The following CPEB4 variants were observed in gnomAD, a reference collection of about 807,000 sequenced individuals.
The protein encoded by CPEB4 is cytoplasmic polyadenylation element-binding protein 4.
A neutral mutation model predicts 72.5 loss-of-function variants in CPEB4; 12 were observed. The ratio of observed to expected loss-of-function variants is 0.17; its 90% CI spans 0.11 to 0.27. The LOEUF is 0.27. Ranked by LOEUF, CPEB4 falls within the 10% of genes least tolerant of loss-of-function variation. The probability of loss-of-function intolerance (pLI) is 1.00; values close to 1 mark genes in which losing one functional copy is unlikely to be tolerated. For missense variants in CPEB4, 614 were observed against 908.5 expected (o/e 0.68, Z 4.17); for synonymous variants, 302 against 326.3 (o/e 0.93, Z 0.80).
chr5:173,942,265 G>A (rs966336513), intron 3 of CPEB4, among the ~76,000 whole-genome samples: 2 of 152,234 alleles, frequency 1.3e-5, no homozygotes, highest in African/African-American at 4.8e-5. Flanking sequence ...AATGTTCGTT[G>A]GATAGAATTG....
chr5:173,905,215 T>G (rs1756390725), intron 1 of CPEB4, among the ~76,000 whole-genome samples: 1 of 151,998 alleles, frequency 6.6e-6, no homozygotes, highest in Admixed American at 6.6e-5. Flanking sequence ...TATAAGAGAT[T>G]CTTTAATAAT....
At position 173,955,682 on chromosome 5, in the gene CPEB4, T is replaced by TTTAAA. The variant is rs1401462585; in HGVS notation, c.1963-227_1963-223dup. On this transcript the variant is annotated intron_variant, in intron 9 of 9. Transcript: ENST00000265085. The surrounding 1 kb of genome is among the most constrained non-coding windows in gnomAD (Gnocchi z 4.7). ...TGATGTCTGCTCAAATCCTTTTTCC[T>TTTAAA]TTAAAGGATGTTTATTTAATAAGAA... 2.4e-4 allele frequency among the ~76,000 whole-genome samples: 36 copies of TTTAAA among 152,320 alleles called. No homozygotes were observed. Among genetic ancestry groups the TTTAAA allele is most frequent in the African/African-American group, 8.2e-4 (34 of 41,564 alleles).
Position 173,959,234 on chromosome 5 carries a change from A to G in CPEB4, c.*3097A>G, listed in dbSNP as rs190796165. The G allele has an allele frequency of 2.6e-5, 4 of 152,918 alleles. No homozygotes were observed. The East Asian group carries it at 7.5e-4, about 29-fold the overall frequency. The allele number at this position is 152,918 out of a possible 1,614,324, so 9.5% of individuals were successfully genotyped here. A position where few individuals can be genotyped will look rare whatever the true frequency, so the allele number is the denominator to read the frequency against. Reference sequence around the variant, plus strand: ...TGTACTTACAATGTAGTTACAGAGTAATTACATGGTGATTTTTGCAATGTA... The same window carrying G: ...TGTACTTACAATGTAGTTACAGAGTGATTACATGGTGATTTTTGCAATGTA... On this transcript the variant is annotated 3_prime_UTR_variant, in exon 10 of 10. Transcript: ENST00000265085.
chr5:173,933,092 A>G (rs990183315), intron 3 of CPEB4, among the ~76,000 whole-genome samples: 7 of 152,154 alleles, frequency 4.6e-5, no homozygotes, highest in African/African-American at 1.7e-4. Flanking sequence ...CACTCACAAG[A>G]ATTTTAGTGT....
rs982867043 is a variant in CPEB4, at chr5:173,957,878, G to A, written c.*1741G>A. On this transcript the variant is annotated 3_prime_UTR_variant, in exon 10 of 10. Coordinates refer to ENST00000265085, the MANE Select transcript of CPEB4 (RefSeq NM_030627.4). ...TGAACTATACCTGTTAAGTTCCAAAGGTCAAAATGGAGGCATTTGCTGTCT... is the reference window on the plus strand; with the variant it reads ...TGAACTATACCTGTTAAGTTCCAAAAGTCAAAATGGAGGCATTTGCTGTCT... 1 of 152,716 alleles carries A rather than the reference G, an allele frequency of 6.5e-6. No homozygotes were observed. The highest frequency in any genetic ancestry group is 6.5e-5 in the Admixed American group (1 of 15,270). The allele number at this position is 152,716 out of a possible 1,614,324, so 9.5% of individuals were successfully genotyped here.
At chr5:173,905,933 G>T (rs2113160014) in intron 1 of CPEB4, among the ~76,000 whole-genome samples, 1 of 152,272 alleles carries the variant, frequency 6.6e-6, no homozygotes, top group East Asian at 1.9e-4. Flanking sequence ...GGACGAAAGT[G>T]CCCAAGCTCA....
At chr5:173,945,902 A>G (rs116555558) in intron 5 of CPEB4, among the ~76,000 whole-genome samples, 6 of 152,368 alleles carry the variant, frequency 3.9e-5, no homozygotes, top group South Asian at 2.1e-4. Flanking sequence ...AGTGACCCCA[A>G]TAAAAATCAA....
Position 173,956,283 on chromosome 5 carries a change from A to AATATAGGT in CPEB4, c.*147_*154dup, listed in dbSNP as rs1450932927. 12 of 609,326 alleles carry AATATAGGT rather than the reference A, an allele frequency of 2.0e-5. No homozygotes were observed. In the East Asian group the frequency reaches 3.3e-4, roughly 17 times the overall value. The allele number at this position is 609,326 out of a possible 1,614,324, so 37.7% of individuals were successfully genotyped here. On this transcript the variant is annotated 3_prime_UTR_variant, in exon 10 of 10. Coordinates refer to ENST00000265085, the MANE Select transcript of CPEB4 (RefSeq NM_030627.4). ...TAGTATAATGAAAAGAATGACCTATAATATAGGTGTTTTGTAGATTCTTGT... is the reference window on the plus strand; with the variant it reads ...TAGTATAATGAAAAGAATGACCTATAATATAGGTATATAGGTGTTTTGTAGATTCTTGT...
At chr5:173,916,328 C>T (rs1756867766) in intron 2 of CPEB4, among the ~76,000 whole-genome samples, 1 of 152,190 alleles carries the variant, frequency 6.6e-6, no homozygotes, top group Admixed American at 6.5e-5. Flanking sequence ...GAGTTTCAGG[C>T]ATTTCAAGTA....
intron 1 of CPEB4, among the ~76,000 whole-genome samples, chr5:173,909,811 C>T (rs1178091611): frequency 6.6e-6 from 1 of 151,838 alleles, no homozygotes; most frequent in Non-Finnish European, 1.5e-5. Flanking sequence ...CCAGCCTGGC[C>T]AACATGGTGA....
intron 1 of CPEB4, among the ~76,000 whole-genome samples, chr5:173,893,348 G>A (rs1755884809): frequency 6.6e-6 from 1 of 152,020 alleles, no homozygotes; most frequent in Non-Finnish European, 1.5e-5. Flanking sequence ...ATAACTTGCA[G>A]GCACGTGCCT....
intron 4 of CPEB4, among the ~76,000 whole-genome samples, chr5:173,944,201 A>C (rs1319148892): frequency 1.3e-5 from 2 of 152,208 alleles, no homozygotes; most frequent in Non-Finnish European, 2.9e-5. Context: ...TAGCATGCCT[A>C]ATAATCTTAA....
At position 173,890,618 on chromosome 5, in the gene CPEB4, C is replaced by A; in HGVS notation, c.885C>A (p.Pro295=). The part of the protein sequence containing the change: ...WSSYQSPSPT[P]SSSWSPGGGG... ...GCTACCAGAGTCCGTCACCAACACC[C>A]TCCTCTTCCTGGAGCCCGGGCGGTG... is the stretch of plus-strand genomic sequence containing the variant. Residue 295 remains proline (P), a synonymous_variant, in exon 1 of 10, where the codon CCC becomes CCA. Transcript: ENST00000265085. 4 of 1,614,010 alleles carry A rather than the reference C, an allele frequency of 2.5e-6. No homozygotes were observed. Among genetic ancestry groups the A allele is most frequent in the Non-Finnish European group, 3.4e-6 (4 of 1,179,900 alleles).
Position 173,892,822 on chromosome 5 carries a change from ATAGT to A in CPEB4, c.1125+1968_1125+1971del, listed in dbSNP as rs368973970. On this transcript the variant is annotated intron_variant, in intron 1 of 9. Transcript: ENST00000265085. The stretch of plus-strand genomic sequence containing the variant: ...GGAGATTAAGTTGATTTATGAAATA[ATAGT>A]TAGACTAAGATTGATACTAAAATAT... Among the ~76,000 whole-genome samples the A allele has an allele frequency of 2.0e-4, 31 of 152,368 alleles. No individual in the cohort carries two copies. In the East Asian group the frequency reaches 4.0e-3, roughly 20 times the overall value.
intron 5 of CPEB4, among the ~76,000 whole-genome samples, chr5:173,947,843 A>C (rs1454764070): frequency 6.6e-6 from 1 of 152,146 alleles, no homozygotes; most frequent in East Asian, 1.9e-4. Context: ...TAAAATGATC[A>C]GTACATCTTG....
Position 173,889,816 on chromosome 5 carries a change from T to G in CPEB4, c.83T>G (p.Leu28Arg), listed in dbSNP as rs1463351674. Residue 28 changes from leucine (L) to arginine (R), a missense_variant, in exon 1 of 10, where the codon CTG becomes CGG. Coordinates refer to ENST00000265085, the MANE Select transcript of CPEB4 (RefSeq NM_030627.4). ...TTTCCAGTCAGATTCCATCCACATC[T>G]GCAGCCTCCACACCATCACCAAAAT... ...SAFPVRFHPH[L>R]QPPHHHQNAT... 1 of 1,614,174 alleles carries G rather than the reference T, an allele frequency of 6.2e-7. No individual in the cohort carries two copies. The highest frequency in any genetic ancestry group is 8.5e-7 in the Non-Finnish European group (1 of 1,180,016).
At chr5:173,944,167 C>A (rs1424263942) in intron 4 of CPEB4, among the ~76,000 whole-genome samples, 1 of 152,088 alleles carries the variant, frequency 6.6e-6, no homozygotes, top group Non-Finnish European at 1.5e-5. Flanking sequence ...CTGATAATTA[C>A]CCAGCTAATA....
intron 2 of CPEB4, among the ~76,000 whole-genome samples, chr5:173,917,472 G>A (rs553619627): frequency 1.8e-4 from 27 of 152,298 alleles, no homozygotes; most frequent in South Asian, 2.1e-4. Flanking sequence ...GGTGGCTCAC[G>A]CCTGTAATCC....
intron 5 of CPEB4, among the ~76,000 whole-genome samples, chr5:173,946,147 A>C (rs1386573858): frequency 6.6e-6 from 1 of 152,204 alleles, no homozygotes; most frequent in Non-Finnish European, 1.5e-5. Context: ...AGGTTGAGAC[A>C]GAAATGGTTC....
Sources: allele counts gnomAD v4.1 joint callset (sites outside exome capture counted in the v4.1 genomes callset), GRCh38; gene constraint gnomAD v4.1.1; non-coding constraint Gnocchi (gnomAD v3.1); transcripts MANE v1.5; gene names NCBI Gene and HGNC (gene_info 2026-07-23, HGNC 2026-07-21).